The following NAALADL2 variants were observed in gnomAD, a reference collection of about 807,000 sequenced individuals.
The protein encoded by NAALADL2 is inactive N-acetylated-alpha-linked acidic dipeptidase-like protein 2.
A neutral mutation model predicts 87.2 loss-of-function variants in NAALADL2; 76 were observed. The ratio of observed to expected loss-of-function variants is 0.87; its 90% CI spans 0.72 to 1.05. The LOEUF (loss-of-function observed/expected upper bound fraction) is 1.05. NAALADL2 is among the 50% of genes least tolerant of loss of function. The pLI, the probability that NAALADL2 is intolerant of heterozygous loss-of-function variation, is 0.00. For synonymous variants in NAALADL2, 354 were observed against 331.0 expected (o/e 1.07, Z -0.75); for missense variants, 1,089 against 945.8 (o/e 1.15, Z -1.99).
chr3:175,201,902 GTTCT>G (rs1428234926), intron 2 of NAALADL2, among the ~76,000 whole-genome samples: 1 of 151,834 alleles, frequency 6.6e-6, no homozygotes, highest in Non-Finnish European at 1.5e-5. Context: ...CTATTAATCT[GTTCT>G]TTCTAAGAAA....
chr3:175,338,991 G>A (rs186136303), intron 5 of NAALADL2, among the ~76,000 whole-genome samples: 1 of 152,296 alleles, frequency 6.6e-6, no homozygotes, highest in East Asian at 1.9e-4. Context: ...TTAGAAACAG[G>A]GCAGGAGGAG....
rs143861982 is a variant in NAALADL2 at position 175,289,644 on chromosome 3, G to A, written c.939+33114G>A. ...AATTTTATAAGAATTTAAAATTTCT[G>A]CTCTTAAAATGACAACATTAAGAGA... is the stretch of plus-strand genomic sequence containing the variant. On this transcript the variant is annotated intron_variant, in intron 4 of 13. Transcript: ENST00000454872. Among the ~76,000 whole-genome samples, 13 of 152,102 alleles carry A rather than the reference G, an allele frequency of 8.5e-5. No individual in the cohort carries two copies. In the East Asian group the frequency reaches 1.9e-3, roughly 23 times the overall value.
At chr3:174,644,029 T>C (rs185529260) in intron 2 of NAALADL2, among the ~76,000 whole-genome samples, 43 of 152,336 alleles carry the variant, frequency 2.8e-4, no homozygotes, top group Middle Eastern at 3.4e-3. Context: ...TAATTTTGTT[T>C]TATTTTAAAC....
At chr3:175,750,374 A>G (rs1394615715) in intron 12 of NAALADL2, among the ~76,000 whole-genome samples, 2 of 152,076 alleles carry the variant, frequency 1.3e-5, no homozygotes, top group Admixed American at 6.6e-5. Flanking sequence ...TTTGATATCT[A>G]TTGACTAACA....
chr3:175,133,054 G>A (rs7622511), intron 2 of NAALADL2, among the ~76,000 whole-genome samples: 78,932 of 141,544 alleles, frequency 0.56, 23,050 homozygotes, highest in African/African-American at 0.69. Flanking sequence ...ACGGGGCGGC[G>A]GGGCAGAGGC....
At chr3:175,541,181 CTCAA>C (rs1206711603) in intron 9 of NAALADL2, among the ~76,000 whole-genome samples, 1 of 152,182 alleles carries the variant, frequency 6.6e-6, no homozygotes, top group African/African-American at 2.4e-5. Flanking sequence ...TCCCTTCACT[CTCAA>C]TCAGTCAACT....
chr3:174,738,376 A>G (rs1733417127), intron 3 of NAALADL2, among the ~76,000 whole-genome samples: 1 of 152,226 alleles, frequency 6.6e-6, no homozygotes, highest in Non-Finnish European at 1.5e-5. Flanking sequence ...CTTCAGGAAC[A>G]TAGACAAATC....
At chr3:174,674,383 G>T (rs1726848153) in intron 2 of NAALADL2, among the ~76,000 whole-genome samples, 1 of 151,926 alleles carries the variant, frequency 6.6e-6, no homozygotes, top group South Asian at 2.1e-4. Flanking sequence ...TGTCTAAAAG[G>T]TGAGGAGACA....
intron 2 of NAALADL2, among the ~76,000 whole-genome samples, chr3:174,559,579 C>T (rs1472271559): frequency 2.6e-5 from 4 of 152,102 alleles, no homozygotes; most frequent in African/African-American, 4.8e-5. Flanking sequence ...GACTGGGTGA[C>T]CTATCAGCAA....
chr3:175,516,714 C>G (rs1313184989), intron 9 of NAALADL2, among the ~76,000 whole-genome samples: 5 of 152,158 alleles, frequency 3.3e-5, no homozygotes, highest in Admixed American at 3.3e-4. Context: ...GATCACTTTA[C>G]TCAATTCATT....
At chr3:175,767,206 A>G (rs1748825631) in intron 13 of NAALADL2, among the ~76,000 whole-genome samples, 1 of 151,404 alleles carries the variant, frequency 6.6e-6, no homozygotes, top group South Asian at 2.1e-4. Flanking sequence ...AGCATTTTTA[A>G]CTGATTAAAA....
chr3:174,637,845 GC>G (rs1452530267), intron 2 of NAALADL2, among the ~76,000 whole-genome samples: 1 of 151,858 alleles, frequency 6.6e-6, no homozygotes, highest in African/African-American at 2.4e-5. Context: ...GATTTCCTCT[GC>G]TAAAACTTTA....
chr3:175,317,792 C>T (rs1177300431), intron 4 of NAALADL2, among the ~76,000 whole-genome samples: 1 of 152,000 alleles, frequency 6.6e-6, no homozygotes, highest in Non-Finnish European at 1.5e-5. Flanking sequence ...GTAAATATTG[C>T]TTAAAAAGAA....
intron 1 of NAALADL2, among the ~76,000 whole-genome samples, chr3:174,982,504 G>T (rs2108658976): frequency 6.6e-6 from 1 of 152,204 alleles, no homozygotes; most frequent in Admixed American, 6.5e-5. Context: ...ATTCATCTAT[G>T]AACTGATTAT....
At chr3:175,258,122 C>T (rs1171485048) in intron 4 of NAALADL2, among the ~76,000 whole-genome samples, 1 of 152,006 alleles carries the variant, frequency 6.6e-6, no homozygotes. Flanking sequence ...TCTTGGCCAA[C>T]ATGGTGAAAC....
At chr3:175,638,709 A>T (rs1728876694) in intron 11 of NAALADL2, among the ~76,000 whole-genome samples, 1 of 152,238 alleles carries the variant, frequency 6.6e-6, no homozygotes, top group Non-Finnish European at 1.5e-5. Context: ...CTTTAAAAAT[A>T]AATTATATAA....
chr3:175,356,005 C>G (rs1222382798), intron 5 of NAALADL2, among the ~76,000 whole-genome samples: 2 of 152,050 alleles, frequency 1.3e-5, no homozygotes, highest in African/African-American at 2.4e-5. Flanking sequence ...TGAGAACAAC[C>G]AGCTTGGAGT....
At chr3:174,895,407 G>A (rs187005566) in intron 1 of NAALADL2, among the ~76,000 whole-genome samples, 6 of 152,150 alleles carry the variant, frequency 3.9e-5, no homozygotes, top group South Asian at 4.1e-4. Flanking sequence ...GCAGCTGTAC[G>A]CCAATAAATT....
chr3:174,480,684 T>G (rs1717495758), intron 1 of NAALADL2, among the ~76,000 whole-genome samples: 1 of 152,114 alleles, frequency 6.6e-6, no homozygotes, highest in African/African-American at 2.4e-5. Context: ...GTTAATAATC[T>G]AAACCTATTA....
Sources: gnomAD v4.1 joint callset for allele counts (sites outside exome capture counted in the v4.1 genomes callset) on GRCh38, gnomAD v4.1.1 for gene constraint, MANE v1.5 for transcripts, NCBI Gene and HGNC (gene_info 2026-07-23, HGNC 2026-07-21) for gene names.